Variants in CTNND2 observed in about 807,000 individuals in gnomAD.
CTNND2 encodes the protein catenin delta-2.
CTNND2 carries 22 observed loss-of-function variants against 144.4 expected under a neutral mutation model. That is an observed-to-expected ratio of 0.15 (90% CI 0.11 to 0.22). CTNND2 has a LOEUF of 0.22. Ranked by LOEUF, CTNND2 falls within the 10% of genes least tolerant of loss-of-function variation. The pLI is 1.00. For missense variants in CTNND2, 1,353 were observed against 1,618.8 expected, an observed-to-expected ratio of 0.84 and a Z score of 2.82; for synonymous variants, 751 against 695.6, an observed-to-expected ratio of 1.08 and a Z score of -1.25.
At chr5:11,449,772 A>G (rs1470200088) in intron 3 of CTNND2, among the ~76,000 whole-genome samples, 1 of 152,246 alleles carries the variant, frequency 6.6e-6, no homozygotes, top group Non-Finnish European at 1.5e-5. Context: ...CTCCTTAACT[A>G]GAATGTAATC....
intron 12 of CTNND2, among the ~76,000 whole-genome samples, chr5:11,139,905 T>A (rs368979098): frequency 1.3e-5 from 2 of 152,264 alleles, no homozygotes; most frequent in African/African-American, 4.8e-5. Flanking sequence ...TACATGCACA[T>A]CTTGGCTCAT....
chr5:11,739,484 T>C (rs1163945761), intron 1 of CTNND2, among the ~76,000 whole-genome samples: 2 of 152,212 alleles, frequency 1.3e-5, no homozygotes, highest in East Asian at 3.9e-4. Flanking sequence ...TCTTATGTGC[T>C]GCTGACATCT....
chr5:11,467,780 T>C (rs1766814934), intron 3 of CTNND2, among the ~76,000 whole-genome samples: 1 of 152,220 alleles, frequency 6.6e-6, no homozygotes, highest in Non-Finnish European at 1.5e-5. Flanking sequence ...TTAGCTGTGT[T>C]GTGCAACCAA....
chr5:11,251,731 T>G (rs1743678759), intron 9 of CTNND2, among the ~76,000 whole-genome samples: 1 of 152,198 alleles, frequency 6.6e-6, no homozygotes, highest in Non-Finnish European at 1.5e-5. Context: ...TATGTGTATA[T>G]GAATAGGAAG....
intron 16 of CTNND2, among the ~76,000 whole-genome samples, chr5:11,063,968 G>A (rs889312601): frequency 6.6e-6 from 1 of 152,190 alleles, no homozygotes; most frequent in Non-Finnish European, 1.5e-5. Context: ...GTCAGGCCAT[G>A]CTGGGGAAGC....
intron 1 of CTNND2, among the ~76,000 whole-genome samples, chr5:11,759,382 A>C (rs760250517): frequency 6.6e-6 from 1 of 152,130 alleles, no homozygotes; most frequent in Non-Finnish European, 1.5e-5. Flanking sequence ...TTTGCTTTTT[A>C]TAAACATGTC....
rs557115708 is a variant in CTNND2 at position 11,176,259 on chromosome 5, T to A, written c.1976-16500A>T. 4.4e-3 allele frequency among the ~76,000 whole-genome samples: 666 copies of A among 152,238 alleles called. 2 individuals carry two copies. Among genetic ancestry groups the A allele is most frequent in the African/African-American group, 0.015 (639 of 41,538 alleles). On this transcript the variant is annotated intron_variant, in intron 11 of 21. Coordinates refer to ENST00000304623, the MANE Select transcript of CTNND2 (RefSeq NM_001332.4). ...TAATTCATTTGTTTTCTACAGTGAA[T>A]CCTCTATTTAAAAATCCAGGGGACA...
chr5:11,293,062 G>A (rs573999128), intron 9 of CTNND2, among the ~76,000 whole-genome samples: 2 of 152,302 alleles, frequency 1.3e-5, no homozygotes, highest in Admixed American at 1.3e-4. Context: ...AAGTCATCTA[G>A]AGTTAGAGAT....
chr5:11,557,209 C>CCAACAG (rs1776301872), intron 3 of CTNND2, among the ~76,000 whole-genome samples: 1 of 152,126 alleles, frequency 6.6e-6, no homozygotes, highest in Non-Finnish European at 1.5e-5. Context: ...TAACCAATCA[C>CCAACAG]CAACAGCAAC....
intron 10 of CTNND2, among the ~76,000 whole-genome samples, chr5:11,209,703 A>C (rs2149843474): frequency 6.6e-6 from 1 of 152,320 alleles, no homozygotes; most frequent in South Asian, 2.1e-4. Context: ...TGGGCAGATC[A>C]CGAGGTCAGG....
chr5:11,642,715 TTAATTA>T (rs1782131855), intron 2 of CTNND2, among the ~76,000 whole-genome samples: 3 of 152,188 alleles, frequency 2.0e-5, no homozygotes, highest in Non-Finnish European at 4.4e-5. Flanking sequence ...TGTGAGGAAT[TTAATTA>T]TAATAAGAAA....
At chr5:11,226,040 G>A (rs537011999) in intron 10 of CTNND2, among the ~76,000 whole-genome samples, 9 of 152,288 alleles carry the variant, frequency 5.9e-5, no homozygotes, top group African/African-American at 2.2e-4. Flanking sequence ...GCCAGGCAGA[G>A]GCAAGGAAGG....
intron 1 of CTNND2, among the ~76,000 whole-genome samples, chr5:11,842,547 A>T (rs1794525459): frequency 6.6e-6 from 1 of 151,768 alleles, no homozygotes; most frequent in Non-Finnish European, 1.5e-5. Flanking sequence ...ATGAAACCCC[A>T]TCTCTACTAA....
At chr5:11,337,240 C>T (rs1753825161) in intron 9 of CTNND2, among the ~76,000 whole-genome samples, 1 of 152,208 alleles carries the variant, frequency 6.6e-6, no homozygotes, top group Admixed American at 6.5e-5. Flanking sequence ...TTCACAACTT[C>T]CTCTCTGGAA....
intron 12 of CTNND2, among the ~76,000 whole-genome samples, chr5:11,131,623 T>TA (rs1258671019): frequency 2.0e-5 from 3 of 151,958 alleles, no homozygotes; most frequent in South Asian, 2.1e-4. Flanking sequence ...CCGTCTCTAC[T>TA]AAAAAAATAA....
intron 1 of CTNND2, among the ~76,000 whole-genome samples, chr5:11,871,858 T>G (rs889132547): frequency 1.3e-5 from 2 of 152,150 alleles, no homozygotes; most frequent in Non-Finnish European, 2.9e-5. Context: ...ATTACATAGT[T>G]TTAGGGGGAG....
chr5:11,361,090 G>C (rs983689684), intron 8 of CTNND2, among the ~76,000 whole-genome samples: 4 of 152,120 alleles, frequency 2.6e-5, no homozygotes, highest in African/African-American at 9.7e-5. Flanking sequence ...GCGCGATCCT[G>C]GCTCAGCGCA....
At chr5:11,590,678 T>C (rs1779183048) in intron 2 of CTNND2, among the ~76,000 whole-genome samples, 1 of 151,540 alleles carries the variant, frequency 6.6e-6, no homozygotes, top group African/African-American at 2.4e-5. Flanking sequence ...CTTGTGACAA[T>C]ACACCCTCCC....
intron 2 of CTNND2, among the ~76,000 whole-genome samples, chr5:11,677,024 C>T (rs765628089): frequency 8.5e-5 from 13 of 152,192 alleles, no homozygotes; most frequent in Non-Finnish European, 1.8e-4. Context: ...TCTGAACTGG[C>T]TTGCTTAACT....
Sources: allele counts gnomAD v4.1 joint callset (sites outside exome capture counted in the v4.1 genomes callset), GRCh38; gene constraint gnomAD v4.1.1; transcripts MANE v1.5; gene names NCBI Gene and HGNC (gene_info 2026-07-23, HGNC 2026-07-21).